KMT2E: variants seen among roughly 807,000 people sequenced by gnomAD.
KMT2E encodes the protein lysine methyltransferase 2E (inactive), also known as histone reader KMT2E.
Under a neutral mutation model 184.6 loss-of-function variants are expected in KMT2E, and 30 were observed. That is an observed-to-expected ratio of 0.16 (90% CI 0.12 to 0.22). The LOEUF (loss-of-function observed/expected upper bound fraction) is 0.22, where lower values mean the gene tolerates loss of function less well. Among genes scored for constraint, KMT2E ranks in the 10% least tolerant of loss-of-function variants. The pLI is 1.00. For synonymous variants in KMT2E, 815 were observed against 776.5 expected (o/e 1.05, Z -0.82); for missense variants, 2,023 against 2,237.4 (o/e 0.90, Z 1.93).
intron 1 of KMT2E, among the ~76,000 whole-genome samples, chr7:105,032,800 A>G (rs1232649040): frequency 6.6e-6 from 1 of 152,254 alleles, no homozygotes; most frequent in Non-Finnish European, 1.5e-5. Context: ...CACCATGTCC[A>G]TCATAGGATT....
chr7:105,085,622 C>G (rs1024324819), intron 13 of KMT2E, among the ~76,000 whole-genome samples: 1 of 152,096 alleles, frequency 6.6e-6, no homozygotes, highest in Non-Finnish European at 1.5e-5. Context: ...CCATTGAAGC[C>G]CCTTAACGTT....
intron 1 of KMT2E, among the ~76,000 whole-genome samples, chr7:105,027,076 T>C (rs1795205758): frequency 3.3e-5 from 1 of 30,320 alleles, no homozygotes; most frequent in Non-Finnish European, 5.3e-5. Context: ...CCCGCCCTCT[T>C]TTTTTTTTTT....
At position 105,109,221 on chromosome 7, in the gene KMT2E, G is replaced by T; in HGVS notation, c.3748G>T (p.Val1250Phe). Residue 1250 changes from valine (V) to phenylalanine (F), a missense_variant, in exon 23 of 27, where the codon GTT becomes TTT. Physicochemically the swap from Val to Phe is conservative, Grantham distance 50. Transcript: ENST00000311117. Reference protein sequence around the residue: ...ATASEKNEPEVQWTASTSVEQ... With the variant: ...ATASEKNEPEFQWTASTSVEQ... ...TGCTAGTGAGAAGAATGAACCAGAA[G>T]TTCAATGGTAAGCCCATTGTGAAGT... 2 of 1,613,582 alleles carry T rather than the reference G, an allele frequency of 1.2e-6. No individual in the cohort carries two copies. The highest frequency in any genetic ancestry group is 1.7e-6 in the Non-Finnish European group (2 of 1,179,728).
intron 14 of KMT2E, 114 bp downstream of exon 14, chr7:105,090,387 G>C (rs1222475067): frequency 7.6e-6 from 9 of 1,179,640 alleles, no homozygotes; most frequent in Non-Finnish European, 7.0e-6. Context: ...AGTCCATTCT[G>C]TCATTTAATG....
Position 105,109,135 on chromosome 7 carries a change from C to T in KMT2E, c.3662C>T (p.Ala1221Val), listed in dbSNP as rs1440384955. The T allele has an allele frequency of 6.2e-7, 1 of 1,614,108 alleles. No individual in the cohort carries two copies. Among genetic ancestry groups the T allele is most frequent in the Admixed American group, 1.7e-5 (1 of 60,026 alleles). Residue 1221 changes from alanine (A) to valine (V), a missense_variant, in exon 23 of 27, where the codon GCT (alanine) becomes GTT (valine). This residue lies in a region of KMT2E where 1,108 missense variants were observed against 1,050.9 expected (regional missense o/e 1.05). Transcript: ENST00000311117. ...GCTAGCCTACCTTTACCAACACCAG[C>T]TACAGTTTATAATGCCACTTCTGAA... ...HTASLPLPTPATVYNATSEET... is the reference protein window; with the variant it reads ...HTASLPLPTPVTVYNATSEET...
Position 105,090,057 on chromosome 7 carries a change from T to G in KMT2E, c.1407T>G (p.Pro469=). 6.2e-7 allele frequency: 1 copy of G among 1,613,744 alleles called. No individual in the cohort carries two copies. The highest frequency in any genetic ancestry group is 1.1e-5 in the South Asian group (1 of 90,982). The change falls in exon 14 of 27, where the codon CCT becomes CCG. Residue 469 remains proline (P), a synonymous_variant. Coordinates refer to ENST00000311117, the MANE Select transcript of KMT2E (RefSeq NM_182931.3). The stretch of plus-strand genomic sequence containing the variant: ...GCCTCAAAGAAAACCCAGAGTGCCC[T>G]GTTCTAAAACGTAGTTCTGAATCCA... ...CACLKENPEC[P]VLKRSSESME... is the part of the protein sequence containing the mutation.
rs765307829 is a variant in KMT2E at position 105,105,905 on chromosome 7, A to ATAGATT, written c.2501_2506dup (p.Arg834_Phe835dup). On this transcript the variant is annotated inframe_insertion, in exon 19 of 27. Coordinates refer to ENST00000311117, the MANE Select transcript of KMT2E (RefSeq NM_182931.3). ...GAAGAAGAAAATTCAGCAATTTTAC[A>ATAGATT]TAGATTTAATTCACCCTGTCAAGAA... is the stretch of plus-strand genomic sequence containing the variant. 46 of 1,613,378 alleles carry ATAGATT rather than the reference A, an allele frequency of 2.9e-5. No individual in the cohort carries two copies. In the South Asian group the frequency reaches 4.9e-4, roughly 17 times the overall value.
At chr7:105,023,077 T>G (rs1255074733) in intron 1 of KMT2E, among the ~76,000 whole-genome samples, 2 of 152,168 alleles carry the variant, frequency 1.3e-5, no homozygotes, top group East Asian at 3.8e-4. Context: ...AGTTCCTTAT[T>G]TAGTCTTTAA....
intron 3 of KMT2E, among the ~76,000 whole-genome samples, chr7:105,061,038 A>G (rs1052173988): frequency 3.3e-5 from 5 of 152,216 alleles, no homozygotes; most frequent in Admixed American, 2.0e-4. Context: ...GAGACTCTTC[A>G]CAATCTCCTT....
chr7:105,089,369 T>G (rs763071349), intron 13 of KMT2E: 7 of 319,936 alleles, frequency 2.2e-5, no homozygotes, highest in Non-Finnish European at 3.7e-5. Context: ...CAGGTAATTT[T>G]TGTATTTTTA....
chr7:105,018,562 T>C (rs1240167012), intron 1 of KMT2E, among the ~76,000 whole-genome samples: 1 of 152,178 alleles, frequency 6.6e-6, no homozygotes, highest in African/African-American at 2.4e-5. Flanking sequence ...GAGACTTGTT[T>C]CCCCCAATTT....
intron 3 of KMT2E, among the ~76,000 whole-genome samples, chr7:105,048,704 A>G (rs534201353): frequency 1.3e-5 from 2 of 152,336 alleles, no homozygotes; most frequent in South Asian, 2.1e-4. Context: ...AAGACTTGCA[A>G]TGATATGGTT....
At chr7:105,036,092 TCTTC>T (rs1795641330) in intron 1 of KMT2E, among the ~76,000 whole-genome samples, 3 of 152,136 alleles carry the variant, frequency 2.0e-5, no homozygotes, top group Admixed American at 6.5e-5. Flanking sequence ...GTCAATTTTT[TCTTC>T]CTTAATTATA....
At chr7:105,028,725 A>C (rs1667479776) in intron 1 of KMT2E, among the ~76,000 whole-genome samples, 1 of 151,748 alleles carries the variant, frequency 6.6e-6, no homozygotes, top group South Asian at 2.1e-4. Context: ...GGTGGTCTCT[A>C]ATTCTTGAGC....
chr7:105,073,888 AAAATGG>A, intron 7 of KMT2E, among the ~76,000 whole-genome samples: 1 of 152,314 alleles, frequency 6.6e-6, no homozygotes, highest in South Asian at 2.1e-4. Context: ...TTTGGGAAAT[AAAATGG>A]AAATGAGAGG....
At position 105,113,185 on chromosome 7, in the gene KMT2E, G is replaced by A; in HGVS notation, c.5429G>A (p.Gly1810Glu). The A allele has an allele frequency of 6.2e-7, 1 of 1,614,138 alleles. No homozygotes were observed. The highest frequency in any genetic ancestry group is 8.5e-7 in the Non-Finnish European group (1 of 1,180,028). ...PNSIPTPTAS[G>E]FCPHPGSVAL... Reference sequence around the variant, plus strand: ...AGTATTCCAACACCTACTGCTTCAGGGTTCTGTCCTCATCCTGGCTCTGTG... The same window carrying A: ...AGTATTCCAACACCTACTGCTTCAGAGTTCTGTCCTCATCCTGGCTCTGTG... Residue 1810 changes from glycine (G) to glutamate (E), a missense_variant, in exon 27 of 27, where the codon GGG (glycine) becomes GAG (glutamate). Around this residue, in one of 8 missense-constraint regions of KMT2E, gnomAD observed 1,108 missense variants for 1,050.9 expected, o/e 1.05. Transcript: ENST00000311117.
At chr7:105,069,678 T>C (rs1162637395) in intron 6 of KMT2E, among the ~76,000 whole-genome samples, 1 of 152,208 alleles carries the variant, frequency 6.6e-6, no homozygotes, top group Non-Finnish European at 1.5e-5. Context: ...AGCCTAGATA[T>C]CTTTTACCTG....
chr7:105,085,423 C>T (rs1428695103), intron 13 of KMT2E, among the ~76,000 whole-genome samples: 1 of 152,124 alleles, frequency 6.6e-6, no homozygotes, highest in Admixed American at 6.5e-5. Context: ...TGGCACATGC[C>T]TGTAATCCCA....
intron 3 of KMT2E, 27 bp downstream of exon 3, chr7:105,041,050 CAAAAAA>C (rs58676744): frequency 1.1e-4 from 71 of 669,148 alleles, no homozygotes; most frequent in Non-Finnish European, 1.5e-4. Flanking sequence ...GTTACATAAG[CAAAAAA>C]AAAAAAAAAA....
Sources: allele counts gnomAD v4.1 joint callset (sites outside exome capture counted in the v4.1 genomes callset), GRCh38; gene constraint gnomAD v4.1.1; regional missense constraint gnomAD v4.1.1; transcripts MANE v1.5; gene names NCBI Gene and HGNC (gene_info 2026-07-23, HGNC 2026-07-21).